Variants in SZT2 observed in about 807,000 individuals in gnomAD.
SZT2 encodes SZT2 subunit of KICSTOR complex.
Under a neutral mutation model 404.2 loss-of-function variants are expected in SZT2, and 216 were observed. The observed-to-expected ratio is 0.53, with a 90% CI of 0.48 to 0.60. The LOEUF (loss-of-function observed/expected upper bound fraction) is 0.60, where lower values mean the gene tolerates loss of function less well. Among genes scored for constraint, SZT2 ranks in the 20% least tolerant of loss-of-function variants. The pLI, the probability that SZT2 is intolerant of heterozygous loss-of-function variation, is 0.00. For missense variants in SZT2, 3,857 were observed against 4,459.2 expected, an observed-to-expected ratio of 0.86 and a Z score of 3.85; for synonymous variants, 1,693 against 1,749.9, an observed-to-expected ratio of 0.97 and a Z score of 0.81.
chr1:43,443,061 A>G lies in SZT2; in HGVS notation c.8394A>G (p.Leu2798=). 2.5e-6 allele frequency: 4 copies of G among 1,612,802 alleles called. No homozygotes were observed. Among genetic ancestry groups the G allele is most frequent in the Non-Finnish European group, 3.4e-6 (4 of 1,179,106 alleles). Residue 2798 remains leucine, a synonymous_variant, in exon 59 of 72, where the codon CTA becomes CTG. Transcript: ENST00000634258. ...DPVTYHGQQF[L]EIKMAERREL... is the part of the protein sequence containing the mutation. ...TCACCTACCATGGACAACAGTTCCT[A>G]GAGATCAAGATGGCAGAGCGCAGAG...
chr1:43,453,947 G>A lies in SZT2; in HGVS notation c.*3467G>A, dbSNP rs1656761355. ...AAAAGCGAAGTGCTGTAAAAACCCG[G>A]GCCTTCACGAAAAGCGCCTACGGTT... On this transcript the variant is annotated 3_prime_UTR_variant, in exon 72 of 72. Transcript: ENST00000634258. 8.3e-7 allele frequency: 1 copy of A among 1,200,386 alleles called. No individual in the cohort carries two copies. Among genetic ancestry groups the A allele is most frequent in the South Asian group, 4.1e-5 (1 of 24,218 alleles). 74.4% of individuals were successfully genotyped at this position (1,200,386 alleles called of 1,614,324 possible).
chr1:43,426,980 G>T lies in SZT2; in HGVS notation c.3310-76G>T. 6.3e-7 allele frequency: 1 copy of T among 1,595,646 alleles called. No individual in the cohort carries two copies. Among genetic ancestry groups the T allele is most frequent in the South Asian group, 1.1e-5 (1 of 89,236 alleles). On this transcript the variant is annotated intron_variant, in intron 23 of 71. Transcript: ENST00000634258. This position sits in a 1 kb window ranked among gnomAD's most constrained non-coding sequence, Gnocchi z 4.9. ...TTCAAGCTATACCTAAGATGAGTCA[G>T]CTCTAGGGTGGAGGAGGGGAACAGG...
At position 43,420,454 on chromosome 1, in the gene SZT2, T is replaced by C; in HGVS notation, c.1261+131T>C. On this transcript the variant is annotated intron_variant, in intron 9 of 71. Transcript: ENST00000634258. The surrounding 1 kb of genome is among the most constrained non-coding windows in gnomAD (Gnocchi z 5.1). ...ATCACTTGAGACAGTGGGTTTTGAA[T>C]TGTCATCAGGGCTTAATTCTCTTAG... 1 of 1,233,114 alleles carries C rather than the reference T, an allele frequency of 8.1e-7. No individual in the cohort carries two copies. Among genetic ancestry groups the C allele is most frequent in the South Asian group, 1.6e-5 (1 of 63,358 alleles). 76.4% of individuals were successfully genotyped at this position (1,233,114 alleles called of 1,614,324 possible).
In SZT2 at chr1:43,422,361, C is replaced by T. The variant is rs1652468728; in HGVS notation, c.1770-119C>T. The T allele has an allele frequency of 6.1e-6, 9 of 1,486,744 alleles. No individual in the cohort carries two copies. The South Asian group carries it at 6.5e-5, about 11-fold the overall frequency. 92.1% of individuals were successfully genotyped at this position (1,486,744 alleles called of 1,614,324 possible). On this transcript the variant is annotated intron_variant, in intron 12 of 71. Transcript: ENST00000634258. Reference sequence around the variant, plus strand: ...AAAAACTATAGCCTTTTCCTTGCCTCCCTGCTCTTCAGTCCCCATAACCTC... The same window carrying T: ...AAAAACTATAGCCTTTTCCTTGCCTTCCTGCTCTTCAGTCCCCATAACCTC...
Position 43,442,639 on chromosome 1 carries a change from TC to T in SZT2, c.8151+23del. ...AAAAGGTGCCTGCTGCTCTGGTTCT[TC>T]CTATAGTTTTGGCTACTGAGGGGTC... On this transcript the variant is annotated intron_variant, in intron 58 of 71. Transcript: ENST00000634258. This position sits in a 1 kb window ranked among gnomAD's most constrained non-coding sequence, Gnocchi z 4.5. 6.3e-7 allele frequency: 1 copy of T among 1,577,514 alleles called. No homozygotes were observed. Among genetic ancestry groups the T allele is most frequent in the Non-Finnish European group, 8.6e-7 (1 of 1,160,914 alleles).
At chr1:43,431,639 T>G (rs1328053734) in intron 35 of SZT2, 77 bp from the exon 36 acceptor site, 1 of 1,600,894 alleles carries the variant, frequency 6.2e-7, no homozygotes, top group East Asian at 2.2e-5. Flanking sequence ...TGAGGCAAAT[T>G]ATCTTCTAGT....
Position 43,425,141 on chromosome 1 carries a change from A to C in SZT2, c.2579A>C (p.Glu860Ala), listed in dbSNP as rs1375272994. ...GAACCACCAGGGCAGGCTGCAGCTG[A>C]AGAGAAGCACACCTGTGTTGTCCAG... ...QNEPPGQAAA[E>A]EKHTCVVQYI... is the part of the protein sequence containing the mutation. The change falls in exon 18 of 72, where the codon GAA (glutamate) becomes GCA (alanine). Residue 860 changes from glutamate (E) to alanine (A), a missense_variant. By Grantham distance (107) the Glu-to-Ala change is moderately radical. This residue lies in a region of SZT2 where 1,725 missense variants were observed against 1,881.0 expected (regional missense o/e 0.92). Coordinates refer to ENST00000634258, the MANE Select transcript of SZT2 (RefSeq NM_001365999.1). The surrounding 1 kb of genome is among the most constrained non-coding windows in gnomAD (Gnocchi z 4.3). 5.0e-6 allele frequency: 8 copies of C among 1,614,036 alleles called. No individual in the cohort carries two copies. In the African/African-American group the frequency reaches 9.3e-5, roughly 19 times the overall value.
In SZT2 at chr1:43,443,385, C is replaced by T. The variant is rs201553214; in HGVS notation, c.8533C>T (p.Arg2845Cys). 13 of 1,614,172 alleles carry T rather than the reference C, an allele frequency of 8.1e-6. No homozygotes were observed. The highest frequency in any genetic ancestry group is 4.5e-5 in the East Asian group (2 of 44,868). ...GELETLKQSS[R>C]LVHYCATAML... ...GCTGGAGACCCTGAAGCAGTCATCC[C>T]GCCTGGTGCATTACTGTGCAACAGC... The change falls in exon 61 of 72, where the codon CGC (arginine) becomes TGC (cysteine). Residue 2845 changes from arginine (R) to cysteine (C), a missense_variant. Arg to Cys is a radical substitution (Grantham distance 180, BLOSUM62 -3). This residue lies in a region of SZT2 where 717 missense variants were observed against 868.2 expected (regional missense o/e 0.83). Coordinates refer to ENST00000634258, the MANE Select transcript of SZT2 (RefSeq NM_001365999.1).
At chr1:43,412,786 C>T (rs1216060064) in intron 4 of SZT2, 1 of 151,708 alleles carries the variant, frequency 6.6e-6, no homozygotes, top group Non-Finnish European at 1.5e-5. Context: ...GCTCAAACAA[C>T]TCTATAAGAA....
At chr1:43,399,079 C>T (rs74796437) in intron 1 of SZT2, among the ~76,000 whole-genome samples, 1 of 138,682 alleles carries the variant, frequency 7.2e-6, no homozygotes, top group Non-Finnish European at 1.6e-5. Context: ...GACTCCGTCT[C>T]AAAAAAAAAA....
intron 11 of SZT2, 49 bp downstream of exon 11, chr1:43,421,352 G>A: frequency 6.3e-7 from 1 of 1,586,846 alleles, no homozygotes; most frequent in Non-Finnish European, 8.5e-7. Context: ...AACTTGGGTT[G>A]CACAGCATCT....
At chr1:43,391,130 C>T (rs1648258782) in intron 1 of SZT2, among the ~76,000 whole-genome samples, 1 of 152,166 alleles carries the variant, frequency 6.6e-6, no homozygotes. Flanking sequence ...GCCTGACCAA[C>T]ATGGAGAAAG....
chr1:43,431,202 G>A (rs1247083303), intron 33 of SZT2, 63 bp from the exon 34 acceptor site: 7 of 1,559,506 alleles, frequency 4.5e-6, no homozygotes, highest in Admixed American at 3.8e-5. Context: ...CAAGAATGAA[G>A]TAAGGAGGAG....
chr1:43,419,829 G>C lies in SZT2; in HGVS notation c.975G>C (p.Leu325=), dbSNP rs1652126436. The C allele has an allele frequency of 6.3e-7, 1 of 1,598,490 alleles. No individual in the cohort carries two copies. Among genetic ancestry groups the C allele is most frequent in the Non-Finnish European group, 8.5e-7 (1 of 1,179,806 alleles). Residue 325 remains leucine, a synonymous_variant, in exon 8 of 72, where the codon CTG becomes CTC. Transcript: ENST00000634258. ...FIAMATFGSY[L]STCPEPEPGN... ...CAATGGCAACATTTGGGTCCTACCT[G>C]TCCACTTGTCCTGAGCCGGAGCCAG...
chr1:43,431,810 A>C lies in SZT2; in HGVS notation c.5183A>C (p.His1728Pro). The C allele has an allele frequency of 6.2e-7, 1 of 1,614,224 alleles. No individual in the cohort carries two copies. The highest frequency in any genetic ancestry group is 8.5e-7 in the Non-Finnish European group (1 of 1,180,036). ...PALHRAAAHIHSSPGRSTCLR... is the reference protein window; with the variant it reads ...PALHRAAAHIPSSPGRSTCLR... ...CTGCACCGCGCAGCTGCCCATATCCATAGTTCTCCTGGACGCTCCACCTGC... is the reference window on the plus strand; with the variant it reads ...CTGCACCGCGCAGCTGCCCATATCCCTAGTTCTCCTGGACGCTCCACCTGC... Residue 1728 changes from histidine (H) to proline (P), a missense_variant, in exon 36 of 72, where the codon CAT becomes CCT. Around this residue, in one of 7 missense-constraint regions of SZT2, gnomAD observed 1,725 missense variants for 1,881.0 expected, o/e 0.92. Coordinates refer to ENST00000634258, the MANE Select transcript of SZT2 (RefSeq NM_001365999.1).
intron 46 of SZT2, 103 bp from the exon 47 acceptor site, chr1:43,438,596 T>A: frequency 9.1e-7 from 1 of 1,099,544 alleles, no homozygotes; most frequent in Non-Finnish European, 1.4e-6. Context: ...TAACACTGCC[T>A]CTAGTATACA....
intron 62 of SZT2, chr1:43,445,458 G>A: frequency 3.8e-6 from 1 of 260,738 alleles, no homozygotes; most frequent in Non-Finnish European, 7.6e-6. Context: ...AAACTGTAAC[G>A]AGCAGTAGGC....
Position 43,442,653 on chromosome 1 carries a change from C to A in SZT2, c.8151+35C>A. On this transcript the variant is annotated intron_variant, in intron 58 of 71. Transcript: ENST00000634258. This position sits in a 1 kb window ranked among gnomAD's most constrained non-coding sequence, Gnocchi z 4.5. ...GCTCTGGTTCTTCCTATAGTTTTGG[C>A]TACTGAGGGGTCAGTTAAAGGAAAA... 1 of 1,562,378 alleles carries A rather than the reference C, an allele frequency of 6.4e-7. No homozygotes were observed.
At position 43,437,700 on chromosome 1, in the gene SZT2, G is replaced by A. The variant is rs755853052; in HGVS notation, c.6396G>A (p.Ser2132=). The A allele has an allele frequency of 2.5e-6, 4 of 1,614,036 alleles. No individual in the cohort carries two copies. Among genetic ancestry groups the A allele is most frequent in the Non-Finnish European group, 3.4e-6 (4 of 1,179,994 alleles). The change falls in exon 45 of 72, where the codon TCG becomes TCA. Residue 2132 remains serine, a splice_region_variant and synonymous_variant. Transcript: ENST00000634258. This position sits in a 1 kb window ranked among gnomAD's most constrained non-coding sequence, Gnocchi z 5.3. The stretch of plus-strand genomic sequence containing the variant: ...AGCCCATCTACTCTGAGGAAGCCTC[G>A]GCATGTATCACTCCCACTCTCTGAT... The part of the protein sequence containing the change: ...SQEPIYSEEA[S]GPRSPLDMVS...
Sources: allele counts gnomAD v4.1 joint callset (sites outside exome capture counted in the v4.1 genomes callset), GRCh38; gene constraint gnomAD v4.1.1; regional missense constraint gnomAD v4.1.1; non-coding constraint Gnocchi (gnomAD v3.1); transcripts MANE v1.5; gene names NCBI Gene and HGNC (gene_info 2026-07-23, HGNC 2026-07-21).